ACTR10: variants seen among roughly 807,000 people sequenced by gnomAD.
ACTR10 encodes actin-related protein 10.
Under a neutral mutation model 56.2 loss-of-function variants are expected in ACTR10, and 43 were observed. That is an observed-to-expected ratio of 0.77 (90% confidence interval 0.60 to 0.99). ACTR10 has a LOEUF of 0.99. Among genes scored for constraint, ACTR10 ranks in the 50% least tolerant of loss-of-function variants. The pLI is 0.00. For synonymous variants in ACTR10, 170 were observed against 176.3 expected (o/e 0.96, Z 0.28); for missense variants, 466 against 507.8 (o/e 0.92, Z 0.79).
chr14:58,203,234 G>A (rs962626003), intron 2 of ACTR10, among the ~76,000 whole-genome samples: 14 of 150,924 alleles, frequency 9.3e-5, no homozygotes, highest in African/African-American at 3.4e-4. Context: ...CCCGGGAGGC[G>A]GAGGTTGCAG....
chr14:58,219,265 A>G (rs766490094), intron 7 of ACTR10, among the ~76,000 whole-genome samples: 2 of 152,224 alleles, frequency 1.3e-5, no homozygotes, highest in African/African-American at 2.4e-5. Flanking sequence ...TATACTTGGT[A>G]TCTTTAGCTG....
intron 10 of ACTR10, 108 bp downstream of exon 10, chr14:58,223,964 T>G (rs906054849): frequency 8.1e-6 from 7 of 864,850 alleles, no homozygotes; most frequent in Middle Eastern, 6.7e-4. Context: ...AACAGTTCAG[T>G]GTTTATTGTT....
At chr14:58,225,253 A>G (rs1485817510) in intron 10 of ACTR10, among the ~76,000 whole-genome samples, 1 of 152,202 alleles carries the variant, frequency 6.6e-6, no homozygotes, top group African/African-American at 2.4e-5. Flanking sequence ...TTAGTAATTC[A>G]CCGTTTATTG....
chr14:58,222,129 T>TAATG, intron 8 of ACTR10, among the ~76,000 whole-genome samples: 1 of 152,180 alleles, frequency 6.6e-6, no homozygotes, highest in African/African-American at 2.4e-5. Context: ...ATAATATATA[T>TAATG]CATATCAATA....
intron 6 of ACTR10, 113 bp downstream of exon 6, chr14:58,213,811 A>G: frequency 1.4e-6 from 1 of 714,822 alleles, no homozygotes; most frequent in East Asian, 2.9e-5. Context: ...AGTGAATTTT[A>G]TTCATTCCGC....
intron 12 of ACTR10, among the ~76,000 whole-genome samples, chr14:58,232,615 C>T (rs1294497932): frequency 6.6e-6 from 1 of 151,538 alleles, no homozygotes; most frequent in Non-Finnish European, 1.5e-5. Context: ...GGGGTTTCAC[C>T]ATGTTGGCCA....
intron 2 of ACTR10, among the ~76,000 whole-genome samples, chr14:58,203,638 T>C (rs1196915555): frequency 6.6e-6 from 1 of 152,158 alleles, no homozygotes; most frequent in Admixed American, 6.5e-5. Flanking sequence ...TAAAATACTT[T>C]TATAAGTCTT....
chr14:58,230,344 G>A, intron 10 of ACTR10, 55 bp from the exon 11 acceptor site: 2 of 981,550 alleles, frequency 2.0e-6, no homozygotes, highest in African/African-American at 1.7e-5. Flanking sequence ...TGTATTCTGT[G>A]TAATATTATA....
At chr14:58,221,217 A>G (rs1305783145) in intron 8 of ACTR10, among the ~76,000 whole-genome samples, 1 of 145,720 alleles carries the variant, frequency 6.9e-6, no homozygotes, top group Non-Finnish European at 1.5e-5. Flanking sequence ...TGGGAGGCGG[A>G]GGTTGCATTG....
rs1262117879 is a variant in ACTR10 at position 58,232,327 on chromosome 14, AT to A, written c.1072+62del. 8.1e-6 allele frequency: 10 copies of A among 1,237,746 alleles called. No individual in the cohort carries two copies. In the African/African-American group the frequency reaches 1.4e-4, roughly 17 times the overall value. The allele number at this position is 1,237,746 out of a possible 1,614,324, so 76.7% of individuals were successfully genotyped here. On this transcript the variant is annotated intron_variant, in intron 12 of 12. Coordinates refer to ENST00000254286, the MANE Select transcript of ACTR10 (RefSeq NM_018477.3). Reference sequence around the variant, plus strand: ...TAGTATTTGGTCTCTGAATGACACTATTAATGGATATATTAGAATAAATAAT... The same window carrying A: ...TAGTATTTGGTCTCTGAATGACACTATAATGGATATATTAGAATAAATAAT...
intron 8 of ACTR10, among the ~76,000 whole-genome samples, chr14:58,221,638 T>TA (rs1445892593): frequency 9.2e-5 from 14 of 151,948 alleles, no homozygotes; most frequent in African/African-American, 3.4e-4. Flanking sequence ...AGCATACACA[T>TA]ATTCATTGTA....
At chr14:58,206,199 G>A (rs1311445155) in intron 2 of ACTR10, among the ~76,000 whole-genome samples, 1 of 147,254 alleles carries the variant, frequency 6.8e-6, no homozygotes, top group Non-Finnish European at 1.5e-5. Flanking sequence ...TTTTTGAGAT[G>A]GAGTCTCACT....
chr14:58,202,380 G>T (rs1000487983), intron 1 of ACTR10, among the ~76,000 whole-genome samples: 6 of 150,714 alleles, frequency 4.0e-5, no homozygotes, highest in Non-Finnish European at 5.9e-5. Flanking sequence ...AGGAGATCGA[G>T]ACTATCCTGG....
chr14:58,211,997 G>A (rs899804986), intron 5 of ACTR10, among the ~76,000 whole-genome samples: 5 of 150,884 alleles, frequency 3.3e-5, no homozygotes, highest in Admixed American at 6.6e-5. Context: ...TAAATCTCCA[G>A]AGGCTTTCGT....
chr14:58,216,761 C>T (rs1889144160), intron 7 of ACTR10, among the ~76,000 whole-genome samples: 1 of 152,134 alleles, frequency 6.6e-6, no homozygotes, highest in African/African-American at 2.4e-5. Flanking sequence ...ATGGTGAAGC[C>T]TTCCTCATCT....
chr14:58,213,695 A>G lies in ACTR10; in HGVS notation c.515A>G (p.His172Arg), dbSNP rs757930478. The G allele has an allele frequency of 3.1e-6, 5 of 1,610,434 alleles. No individual in the cohort carries two copies. Among genetic ancestry groups the G allele is most frequent in the Non-Finnish European group, 4.2e-6 (5 of 1,177,944 alleles). ...CTACCCCTAGGAGGAAAAGCTCTTC[A>G]CAAGTAAGTTTCTTGGAATTTAACA... The part of the protein sequence containing the change: ...GALPLGGKAL[H>R]KELETQLLEQ... The change falls in exon 6 of 13, where the codon CAC becomes CGC. Residue 172 changes from histidine to arginine, a missense_variant. Coordinates refer to ENST00000254286, the MANE Select transcript of ACTR10 (RefSeq NM_018477.3).
chr14:58,221,671 G>T (rs1453934475), intron 8 of ACTR10, among the ~76,000 whole-genome samples: 2 of 152,190 alleles, frequency 1.3e-5, no homozygotes, highest in Non-Finnish European at 2.9e-5. Flanking sequence ...GAACTGGGAT[G>T]CAGAGGTTGC....
At chr14:58,228,393 C>T (rs1383139561) in intron 10 of ACTR10, among the ~76,000 whole-genome samples, 1 of 152,072 alleles carries the variant, frequency 6.6e-6, no homozygotes, top group Admixed American at 6.6e-5. Flanking sequence ...CTGAGGCGGG[C>T]AGATCGCTTG....
At chr14:58,202,949 C>G in intron 2 of ACTR10, 22 bp downstream of exon 2, 1 of 1,395,598 alleles carries the variant, frequency 7.2e-7, no homozygotes, top group Middle Eastern at 1.8e-4. Context: ...AAAATATTAG[C>G]AAAATAAATG....
Sources: allele counts gnomAD v4.1 joint callset (sites outside exome capture counted in the v4.1 genomes callset), GRCh38; gene constraint gnomAD v4.1.1; transcripts MANE v1.5; gene names NCBI Gene and HGNC (gene_info 2026-07-23, HGNC 2026-07-21).